Variants in ARAP1 observed in about 807,000 individuals in gnomAD.
ARAP1 encodes the protein arf-GAP with Rho-GAP domain, ANK repeat and PH domain-containing protein 1.
Under a neutral mutation model 172.2 loss-of-function variants are expected in ARAP1, and 76 were observed. The observed-to-expected ratio is 0.44, with a 90% CI of 0.37 to 0.53. The LOEUF is 0.53. ARAP1 is among the 20% of genes least tolerant of loss of function. The probability of loss-of-function intolerance (pLI) is 0.00; values close to 1 mark genes in which losing one functional copy is unlikely to be tolerated. For synonymous variants in ARAP1, 804 were observed against 803.3 expected (o/e 1.00, Z -0.01); for missense variants, 1,686 against 1,977.5 (o/e 0.85, Z 2.80).
chr11:72,694,990 C>T lies in ARAP1; in HGVS notation c.3684G>A (p.Arg1228=), dbSNP rs1277768491. 1.2e-6 allele frequency: 2 copies of T among 1,614,024 alleles called. No individual in the cohort carries two copies. The highest frequency in any genetic ancestry group is 2.2e-5 in the East Asian group (1 of 44,874). ...DYWTCFEVNE[R]EEAERPLHFA... Reference sequence around the variant, plus strand: ...CCCAGCGTCACCCACCTGCCTCCTCCCTCTCGTTGACCTCAAAGCAGGTCC... The same window carrying T: ...CCCAGCGTCACCCACCTGCCTCCTCTCTCTCGTTGACCTCAAAGCAGGTCC... Residue 1228 remains arginine, a synonymous_variant, in exon 27 of 35, where the codon AGG becomes AGA. Coordinates refer to ENST00000393609, the MANE Select transcript of ARAP1 (RefSeq NM_001040118.3).
Position 72,704,310 on chromosome 11 carries a change from C to T in ARAP1, c.1834G>A (p.Ala612Thr), listed in dbSNP as rs367817872. 47 of 1,598,870 alleles carry T rather than the reference C, an allele frequency of 2.9e-5. No individual in the cohort carries two copies. The highest frequency in any genetic ancestry group is 1.7e-4 in the Middle Eastern group (1 of 5,956). The change falls in exon 14 of 35, where the codon GCT becomes ACT. Residue 612 changes from alanine to threonine, a missense_variant. Physicochemically the swap from Ala to Thr is moderately conservative, Grantham distance 58. Coordinates refer to ENST00000393609, the MANE Select transcript of ARAP1 (RefSeq NM_001040118.3). ...IELFLQLGNG[A>T]GNRFWAANVP... ...TTGGCTGCCCAGAAGCGGTTCCCAG[C>T]GCCATTCCCCAGCTGTAAGAAGAGC...
At position 72,697,404 on chromosome 11, in the gene ARAP1, C is replaced by G. The variant is rs748054039; in HGVS notation, c.2872G>C (p.Asp958His). 1 of 1,612,100 alleles carries G rather than the reference C, an allele frequency of 6.2e-7. No homozygotes were observed. Among genetic ancestry groups the G allele is most frequent in the African/African-American group, 1.3e-5 (1 of 74,878 alleles). The change falls in exon 21 of 35, where the codon GAC becomes CAC. Residue 958 changes from aspartate to histidine, a missense_variant. Physicochemically the swap from Asp to His is moderately conservative, Grantham distance 81 (BLOSUM62 -1). Transcript: ENST00000393609. ...AIQKAAASMG[D>H]TLSEQQLGDS... ...CCAAGCTGCTGCTCCGACAGCGTGT[C>G]CCCCATGCTGGCGGCTGCTTTCTGG...
chr11:72,750,361 G>A (rs1438993495), intron 1 of ARAP1, among the ~76,000 whole-genome samples: 1 of 152,188 alleles, frequency 6.6e-6, no homozygotes, highest in African/African-American at 2.4e-5. Flanking sequence ...AGTGGCGGGT[G>A]GCTTTGAGCT....
At chr11:72,711,823 G>A (rs114270421) in intron 7 of ARAP1, among the ~76,000 whole-genome samples, 337 of 150,584 alleles carry the variant, frequency 2.2e-3, no homozygotes, top group African/African-American at 7.8e-3. Context: ...AGTCTCCCAA[G>A]TAGCCAAAAC....
At chr11:72,690,047 G>A (rs1855874035) in intron 30 of ARAP1, among the ~76,000 whole-genome samples, 3 of 152,188 alleles carry the variant, frequency 2.0e-5, no homozygotes, top group African/African-American at 4.8e-5. Flanking sequence ...GAAAACACAA[G>A]GTTCTGGGTA....
intron 11 of ARAP1, among the ~76,000 whole-genome samples, chr11:72,708,906 G>A (rs954602971): frequency 6.6e-5 from 10 of 152,124 alleles, no homozygotes; most frequent in African/African-American, 1.2e-4. Context: ...GCGTGGTAGC[G>A]TGCACCTGTA....
Position 72,687,395 on chromosome 11 carries a change from G to A in ARAP1, c.4185+44C>T, listed in dbSNP as rs376618640. ...AATGTCCCCATTCTCCATAATGGAA[G>A]CCTCCAGGGACCCACCCCACACCCC... On this transcript the variant is annotated intron_variant, in intron 33 of 34. Transcript: ENST00000393609. 70 of 1,610,812 alleles carry A rather than the reference G, an allele frequency of 4.3e-5. No homozygotes were observed. In the African/African-American group the frequency reaches 8.5e-4, roughly 20 times the overall value.
intron 12 of ARAP1, among the ~76,000 whole-genome samples, chr11:72,706,270 C>A (rs184129223): frequency 1.3e-5 from 2 of 152,274 alleles, no homozygotes; most frequent in South Asian, 4.1e-4. Flanking sequence ...ACCTGCTTCC[C>A]CTCCTTCATC....
At position 72,714,171 on chromosome 11, in the gene ARAP1, T is replaced by G. The variant is rs1213770690; in HGVS notation, c.660A>C (p.Val220=). The G allele has an allele frequency of 6.7e-7, 1 of 1,503,306 alleles. No individual in the cohort carries two copies. Among genetic ancestry groups the G allele is most frequent in the African/African-American group, 1.4e-5 (1 of 69,308 alleles). 93.1% of individuals were successfully genotyped at this position (1,503,306 alleles called of 1,614,324 possible). ...PCPPEIPPKP[V]RLFPEFDDSD... ...ACTCACCGAACTCTGGGAACAGGCGTACCGGCTTTGGAGGTATCTCCGGGG... is the reference window on the plus strand; with the variant it reads ...ACTCACCGAACTCTGGGAACAGGCGGACCGGCTTTGGAGGTATCTCCGGGG... The change falls in exon 4 of 35, where the codon GTA becomes GTC. Residue 220 remains valine, a synonymous_variant. Transcript: ENST00000393609.
At chr11:72,738,799 C>T (rs1858113704) in intron 1 of ARAP1, among the ~76,000 whole-genome samples, 1 of 152,122 alleles carries the variant, frequency 6.6e-6, no homozygotes, top group Non-Finnish European at 1.5e-5. Flanking sequence ...TCTCCCAGGG[C>T]CACACACACC....
At chr11:72,706,843 C>A (rs1000886023) in intron 12 of ARAP1, among the ~76,000 whole-genome samples, 4 of 152,194 alleles carry the variant, frequency 2.6e-5, no homozygotes, top group African/African-American at 9.7e-5. Flanking sequence ...ACTCCTCTTG[C>A]CTGGCCTTCC....
chr11:72,692,827 C>A lies in ARAP1; in HGVS notation c.3955-42G>T, dbSNP rs867375469. The A allele has an allele frequency of 6.2e-6, 10 of 1,611,526 alleles. 1 individual carries two copies. The Middle Eastern group carries it at 1.5e-3, about 239-fold the overall frequency. On this transcript the variant is annotated intron_variant, in intron 29 of 34. Transcript: ENST00000393609. ...CAGGGTTATGGAAGAAGTCCCAGGT[C>A]TAGAGCCAGGACAGCATGTGCAGTG...
chr11:72,747,574 C>G (rs138130757), intron 1 of ARAP1, among the ~76,000 whole-genome samples: 1 of 152,194 alleles, frequency 6.6e-6, no homozygotes, highest in Non-Finnish European at 1.5e-5. Flanking sequence ...AGAATGCAGG[C>G]CTCAGAGCGC....
chr11:72,707,166 T>G lies in ARAP1; in HGVS notation c.1723+9A>C, dbSNP rs755611684. 5 of 1,568,954 alleles carry G rather than the reference T, an allele frequency of 3.2e-6. No individual in the cohort carries two copies. Among genetic ancestry groups the G allele is most frequent in the East Asian group, 2.4e-5 (1 of 42,526 alleles). On this transcript the variant is annotated intron_variant, in intron 12 of 34. Coordinates refer to ENST00000393609, the MANE Select transcript of ARAP1 (RefSeq NM_001040118.3). ...CCTCTGCCTGGTGCCCCGACCCCCA[T>G]GCACACACCTGCACAGCGCTTGCAG...
rs534240956 is a variant in ARAP1, at chr11:72,706,950, C to T, written c.1723+225G>A. Among the ~76,000 whole-genome samples, 388 of 152,372 alleles carry T rather than the reference C, an allele frequency of 2.5e-3. 1 individual carries two copies. Among genetic ancestry groups the T allele is most frequent in the Non-Finnish European group, 3.3e-3 (223 of 68,038 alleles). ...CAGGTGACCCTGAACAAGCCATTTC[C>T]TCTCCCTGTGCCTCCGTGTCCCCAC... On this transcript the variant is annotated intron_variant, in intron 12 of 34. Transcript: ENST00000393609.
chr11:72,697,723 A>G, intron 19 of ARAP1, 74 bp from the exon 20 acceptor site: 1 of 1,588,400 alleles, frequency 6.3e-7, no homozygotes, highest in East Asian at 2.2e-5. Context: ...CTCTGTGAGC[A>G]CACACACACC....
At chr11:72,714,534 G>T (rs2135549198) in intron 3 of ARAP1, among the ~76,000 whole-genome samples, 1 of 152,200 alleles carries the variant, frequency 6.6e-6, no homozygotes. Flanking sequence ...CACCCTCTTT[G>T]GCCTGAATGA....
At chr11:72,720,670 C>A (rs1857472193) in intron 3 of ARAP1, among the ~76,000 whole-genome samples, 1 of 152,210 alleles carries the variant, frequency 6.6e-6, no homozygotes, top group African/African-American at 2.4e-5. Context: ...CACAACCGCG[C>A]CTTCACCCAG....
chr11:72,704,070 G>T, intron 14 of ARAP1, 82 bp downstream of exon 14: 1 of 1,548,934 alleles, frequency 6.5e-7, no homozygotes, highest in Non-Finnish European at 8.8e-7. Context: ...TGGTAGATGA[G>T]ATGGGTTAAG....
Sources: allele counts gnomAD v4.1 joint callset (sites outside exome capture counted in the v4.1 genomes callset), GRCh38; gene constraint gnomAD v4.1.1; transcripts MANE v1.5; gene names NCBI Gene and HGNC (gene_info 2026-07-23, HGNC 2026-07-21).